Variants in KLF12 observed in about 807,000 individuals in gnomAD.
The protein encoded by KLF12 is Krueppel-like factor 12.
Under a neutral mutation model 37.8 loss-of-function variants are expected in KLF12, and 9 were observed. That is an observed-to-expected ratio of 0.24 (90% CI 0.14 to 0.42). The LOEUF is 0.42. KLF12 is among the 10% of genes least tolerant of loss of function. The pLI, the probability that KLF12 is intolerant of heterozygous loss-of-function variation, is 1.00. For synonymous variants in KLF12, 208 were observed against 202.1 expected, an observed-to-expected ratio of 1.03 and a Z score of -0.25; for missense variants, 411 against 516.0, an observed-to-expected ratio of 0.80 and a Z score of 1.97.
chr13:74,049,261 T>C (rs758916493), intron 1 of KLF12, among the ~76,000 whole-genome samples: 5 of 152,158 alleles, frequency 3.3e-5, no homozygotes, highest in Non-Finnish European at 7.4e-5. Flanking sequence ...AGATGTCCAG[T>C]TTCTTCTCAT....
Position 74,011,052 on chromosome 13 carries a change from C to T in KLF12, c.-31-15999G>A, listed in dbSNP as rs113412445. 5.2e-3 allele frequency among the ~76,000 whole-genome samples: 790 copies of T among 152,068 alleles called. 3 individuals carry two copies. Among genetic ancestry groups the T allele is most frequent in the Non-Finnish European group, 7.6e-3 (517 of 67,980 alleles). On this transcript the variant is annotated intron_variant, in intron 1 of 7. Coordinates refer to ENST00000377669, the MANE Select transcript of KLF12 (RefSeq NM_007249.5). ...ACTTCTACTCTCTCCTTTTTATTGC[C>T]TCTTTAATATCAGTGATCTTATTCC... is the stretch of plus-strand genomic sequence containing the variant.
chr13:73,867,592 C>T (rs1886239944), intron 3 of KLF12, among the ~76,000 whole-genome samples: 1 of 120,066 alleles, frequency 8.3e-6, no homozygotes, highest in South Asian at 3.5e-4. Flanking sequence ...GTTAGCAGGG[C>T]TATAGAAGAC....
At chr13:73,726,759 A>T (rs1036930178) in intron 6 of KLF12, among the ~76,000 whole-genome samples, 7 of 152,318 alleles carry the variant, frequency 4.6e-5, no homozygotes, top group African/African-American at 1.7e-4. Context: ...CATTGTGAAC[A>T]GTTTTTGTGT....
At chr13:73,734,619 G>T (rs1382745389) in intron 6 of KLF12, among the ~76,000 whole-genome samples, 2 of 150,918 alleles carry the variant, frequency 1.3e-5, no homozygotes, top group Non-Finnish European at 2.9e-5. Flanking sequence ...TTCCTTTTTT[G>T]GGGGGGTGGG....
intron 1 of KLF12, among the ~76,000 whole-genome samples, chr13:74,091,061 A>G (rs1875629044): frequency 6.6e-6 from 1 of 152,170 alleles, no homozygotes; most frequent in Admixed American, 6.5e-5. Context: ...TCAGAGTTCA[A>G]AAATGAGCTC....
In KLF12 at chr13:73,692,193, C is replaced by T. The variant is rs1261447963; in HGVS notation, c.*3297G>A. 1 of 152,118 alleles carries T rather than the reference C, an allele frequency of 6.6e-6. No homozygotes were observed. The highest frequency in any genetic ancestry group is 1.5e-5 in the Non-Finnish European group (1 of 68,028). 9.4% of individuals were successfully genotyped at this position (152,118 alleles called of 1,614,324 possible). ...ATAGAACTTAAGACAAGTTATCAAG[C>T]AGGCTTCTCAGAGTCCACACACAAT... On this transcript the variant is annotated 3_prime_UTR_variant, in exon 8 of 8. Coordinates refer to ENST00000377669, the MANE Select transcript of KLF12 (RefSeq NM_007249.5).
intron 1 of KLF12, among the ~76,000 whole-genome samples, chr13:74,027,163 T>C (rs75618059): frequency 0.054 from 8,245 of 152,240 alleles, 352 homozygotes; most frequent in African/African-American, 0.12. Flanking sequence ...CAACTGCTTA[T>C]CAATAAGCCT....
chr13:74,201,782 T>C, the KLF12 span, among the ~76,000 whole-genome samples: 1 of 152,118 alleles, frequency 6.6e-6, no homozygotes, highest in African/African-American at 2.4e-5. Flanking sequence ...GCATTAATTT[T>C]AACCATAGAA....
chr13:73,971,868 A>G (rs1262812709), intron 2 of KLF12, among the ~76,000 whole-genome samples: 1 of 152,196 alleles, frequency 6.6e-6, no homozygotes, highest in Non-Finnish European at 1.5e-5. Flanking sequence ...CATTTCATTT[A>G]TCAAGAAAGC....
At chr13:74,083,348 G>A (rs9543523) in intron 1 of KLF12, among the ~76,000 whole-genome samples, 86,945 of 151,886 alleles carry the variant, frequency 0.57, 25,536 homozygotes, top group Middle Eastern at 0.7. Flanking sequence ...TCTAAAAAGT[G>A]CAGAAAAATT....
At chr13:74,227,557 T>C in the KLF12 span, among the ~76,000 whole-genome samples, 2 of 152,132 alleles carry the variant, frequency 1.3e-5, no homozygotes, top group Non-Finnish European at 2.9e-5. Context: ...GGCCAAAGTT[T>C]TTTCTATTTT....
chr13:73,821,089 G>C (rs1167307422), intron 4 of KLF12, among the ~76,000 whole-genome samples: 1 of 152,206 alleles, frequency 6.6e-6, no homozygotes, highest in Non-Finnish European at 1.5e-5. Flanking sequence ...AGTATTTGCT[G>C]ACTGAAATAC....
the KLF12 span, among the ~76,000 whole-genome samples, chr13:74,209,518 TTAGTCA>T: frequency 1.1e-5 from 1 of 90,264 alleles, no homozygotes; most frequent in Admixed American, 1.2e-4. Flanking sequence ...AGATAACATC[TTAGTCA>T]CACACACACA....
chr13:74,005,767 T>C (rs1566501149), intron 1 of KLF12, among the ~76,000 whole-genome samples: 1 of 152,200 alleles, frequency 6.6e-6, no homozygotes, highest in Non-Finnish European at 1.5e-5. Context: ...TAAATGGCAA[T>C]CTTTGTCCAA....
intron 2 of KLF12, among the ~76,000 whole-genome samples, chr13:73,978,523 C>G (rs1891604815): frequency 6.6e-6 from 1 of 152,300 alleles, no homozygotes; most frequent in African/African-American, 2.4e-5. Flanking sequence ...CAAAATGAAA[C>G]AGCCACTTTG....
the KLF12 span, among the ~76,000 whole-genome samples, chr13:74,144,736 G>A: frequency 1.3e-5 from 2 of 152,042 alleles, no homozygotes; most frequent in African/African-American, 2.4e-5. Flanking sequence ...TAAATACAAC[G>A]GAGAATGTCT....
chr13:73,889,611 T>C (rs1245189201), intron 3 of KLF12, among the ~76,000 whole-genome samples: 1 of 152,190 alleles, frequency 6.6e-6, no homozygotes, highest in East Asian at 1.9e-4. Flanking sequence ...ATGTGTGATG[T>C]AAACTAAAAA....
At chr13:74,142,074 AT>A in the KLF12 span, among the ~76,000 whole-genome samples, 2 of 152,214 alleles carry the variant, frequency 1.3e-5, no homozygotes, top group South Asian at 4.1e-4. Context: ...TCTTAACTAT[AT>A]TTTCTGCACA....
At position 73,876,152 on chromosome 13, in the gene KLF12, T is replaced by TA. The variant is rs66733197; in HGVS notation, c.124-29780dup. On this transcript the variant is annotated intron_variant, in intron 3 of 7. Coordinates refer to ENST00000377669, the MANE Select transcript of KLF12 (RefSeq NM_007249.5). The stretch of plus-strand genomic sequence containing the variant: ...AGCTGGGTGCTATACTCAGCTAAAA[T>TA]AAAAAAAAAAAAAAAAGGTTTTAGC... 3.0e-3 allele frequency among the ~76,000 whole-genome samples: 363 copies of TA among 120,206 alleles called. 1 individual carries two copies. The highest frequency in any genetic ancestry group is 4.7e-3 in the South Asian group (19 of 4,016). 78.9% of individuals were successfully genotyped at this position (120,206 alleles called of 152,430 possible).
Sources: gnomAD v4.1 joint callset for allele counts (sites outside exome capture counted in the v4.1 genomes callset) on GRCh38, gnomAD v4.1.1 for gene constraint, MANE v1.5 for transcripts, NCBI Gene and HGNC (gene_info 2026-07-23, HGNC 2026-07-21) for gene names.